The following TIMMDC1 variants were observed in gnomAD, a reference collection of about 807,000 sequenced individuals.
TIMMDC1 encodes the protein complex I assembly factor TIMMDC1, mitochondrial.
In TIMMDC1, 25 loss-of-function variants were observed where a neutral mutation model predicts 32.6. That is an observed-to-expected ratio of 0.77 (90% CI 0.56 to 1.07). TIMMDC1 has a LOEUF of 1.07. Ranked by LOEUF, TIMMDC1 falls within the 50% of genes least tolerant of loss-of-function variation. The probability of loss-of-function intolerance (pLI) is 0.00; values close to 1 mark genes in which losing one functional copy is unlikely to be tolerated. For missense variants in TIMMDC1, 329 were observed against 349.2 expected (o/e 0.94, Z 0.46); for synonymous variants, 130 against 127.6 (o/e 1.02, Z -0.13).
chr3:119,499,563 G>T (rs1307359302), intron 1 of TIMMDC1, among the ~76,000 whole-genome samples: 1 of 151,734 alleles, frequency 6.6e-6, no homozygotes, highest in Non-Finnish European at 1.5e-5. Flanking sequence ...GATTACAGTT[G>T]CCCACTACCA....
chr3:119,518,874 A>G (rs1168296199), intron 6 of TIMMDC1, among the ~76,000 whole-genome samples: 2 of 146,870 alleles, frequency 1.4e-5, no homozygotes, highest in Non-Finnish European at 3.0e-5. Context: ...AAGTGCTAAA[A>G]GGAAAAAACA....
At chr3:119,499,116 C>T (rs2081848596) in intron 1 of TIMMDC1, among the ~76,000 whole-genome samples, 189 bp downstream of exon 1, 1 of 134,778 alleles carries the variant, frequency 7.4e-6, no homozygotes. Flanking sequence ...TTTTTCCAGA[C>T]AGGGTCTTGC....
At position 119,504,004 on chromosome 3, in the gene TIMMDC1, A is replaced by G. The variant is rs1169715049; in HGVS notation, c.500A>G (p.His167Arg). 1.9e-6 allele frequency: 3 copies of G among 1,612,928 alleles called. No individual in the cohort carries two copies. Among genetic ancestry groups the G allele is most frequent in the Non-Finnish European group, 1.7e-6 (2 of 1,179,172 alleles). ...NVYRNKDALS[H>R]FVIAGAVTGS... The stretch of plus-strand genomic sequence containing the variant: ...TACCGAAATAAAGATGCCTTAAGCC[A>G]TTTTGTAATTGCAGGAGGTAAGACA... The change falls in exon 4 of 7, where the codon CAT becomes CGT. Residue 167 changes from histidine to arginine, a missense_variant. Transcript: ENST00000494664.
At chr3:119,512,012 T>TA (rs1398961299) in intron 4 of TIMMDC1, among the ~76,000 whole-genome samples, 1 of 152,256 alleles carries the variant, frequency 6.6e-6, no homozygotes, top group Non-Finnish European at 1.5e-5. Flanking sequence ...TGTTTATACT[T>TA]ATACCTTTTG....
intron 4 of TIMMDC1, 32 bp from the exon 5 acceptor site, chr3:119,513,609 G>T: frequency 6.6e-7 from 1 of 1,513,582 alleles, no homozygotes; most frequent in Non-Finnish European, 9.2e-7. Context: ...TTTTAAAGAT[G>T]ATTTAATATT....
rs2081944483 is a variant in TIMMDC1 at position 119,510,206 on chromosome 3, C to T, written c.518-3435C>T. On this transcript the variant is annotated intron_variant, in intron 4 of 6. Coordinates refer to ENST00000494664, the MANE Select transcript of TIMMDC1 (RefSeq NM_016589.4). ...AGTAAAGTGTAAATATATAAATAGC[C>T]TTTTTATATTTCAGCAGTTACTTGA... 2.0e-5 allele frequency among the ~76,000 whole-genome samples: 3 copies of T among 151,746 alleles called. No individual in the cohort carries two copies. The South Asian group carries it at 6.3e-4, about 32-fold the overall frequency.
intron 4 of TIMMDC1, among the ~76,000 whole-genome samples, chr3:119,509,025 G>A (rs1002784119): frequency 6.6e-6 from 1 of 152,130 alleles, no homozygotes; most frequent in Non-Finnish European, 1.5e-5. Context: ...GGCCAACATG[G>A]TGAAACCTCG....
intron 4 of TIMMDC1, among the ~76,000 whole-genome samples, chr3:119,507,575 T>C (rs1398404441): frequency 6.6e-6 from 1 of 152,238 alleles, no homozygotes; most frequent in Non-Finnish European, 1.5e-5. Context: ...ATTAGAGCCC[T>C]TAGTGTATTA....
At chr3:119,513,866 T>A in intron 5 of TIMMDC1, 147 bp downstream of exon 5, 1 of 545,860 alleles carries the variant, frequency 1.8e-6, no homozygotes, top group South Asian at 2.8e-5. Flanking sequence ...TAGCTTTGAC[T>A]GTCCATTCTA....
At chr3:119,519,917 A>G (rs2082013976) in intron 6 of TIMMDC1, among the ~76,000 whole-genome samples, 1 of 152,182 alleles carries the variant, frequency 6.6e-6, no homozygotes, top group Non-Finnish European at 1.5e-5. Context: ...ATTTTTTCAG[A>G]CCACAGCAGA....
At chr3:119,501,011 TA>T (rs2081870796) in intron 2 of TIMMDC1, 151 bp downstream of exon 2, 2 of 730,120 alleles carry the variant, frequency 2.7e-6, no homozygotes, top group Non-Finnish European at 4.2e-6. Context: ...GTGGAAGTAC[TA>T]ATGTTAAAGT....
chr3:119,510,409 C>A (rs574797348), intron 4 of TIMMDC1, among the ~76,000 whole-genome samples: 8 of 152,114 alleles, frequency 5.3e-5, no homozygotes, highest in South Asian at 2.1e-4. Context: ...CAATTCAAAT[C>A]AAAATTACAG....
chr3:119,513,085 A>C (rs2081964978), intron 4 of TIMMDC1, among the ~76,000 whole-genome samples: 2 of 152,214 alleles, frequency 1.3e-5, no homozygotes, highest in Non-Finnish European at 2.9e-5. Flanking sequence ...AGATGGCATT[A>C]GTTGCATTGT....
intron 6 of TIMMDC1, among the ~76,000 whole-genome samples, chr3:119,522,674 C>T (rs931154824): frequency 1.3e-5 from 2 of 152,024 alleles, no homozygotes; most frequent in African/African-American, 2.4e-5. Flanking sequence ...CTTTGTACTT[C>T]ATAAATATGT....
intron 5 of TIMMDC1, 25 bp from the exon 6 acceptor site, chr3:119,517,180 A>T: frequency 6.6e-7 from 1 of 1,515,176 alleles, no homozygotes; most frequent in Non-Finnish European, 9.2e-7. Context: ...GTTTTTCCTA[A>T]GCTTTCCCTC....
In TIMMDC1 at chr3:119,508,918, T is replaced by C. The variant is rs1490091258; in HGVS notation, c.518-4723T>C. On this transcript the variant is annotated intron_variant, in intron 4 of 6. Coordinates refer to ENST00000494664, the MANE Select transcript of TIMMDC1 (RefSeq NM_016589.4). ...AAATCCAAATGAATTAAGAAAACCA[T>C]TGGAAGGCCAGGTGTGGTGGCTTAT... is the stretch of plus-strand genomic sequence containing the variant. 2.0e-5 allele frequency among the ~76,000 whole-genome samples: 3 copies of C among 152,084 alleles called. No individual in the cohort carries two copies. The East Asian group carries it at 5.8e-4, about 29-fold the overall frequency.
At chr3:119,511,516 G>A (rs2081952913) in intron 4 of TIMMDC1, among the ~76,000 whole-genome samples, 1 of 151,640 alleles carries the variant, frequency 6.6e-6, no homozygotes, top group South Asian at 2.1e-4. Flanking sequence ...TTGTGCGTAA[G>A]TAAATCTGCA....
chr3:119,508,232 T>C (rs1273058887), intron 4 of TIMMDC1, among the ~76,000 whole-genome samples: 1 of 152,164 alleles, frequency 6.6e-6, no homozygotes, highest in African/African-American at 2.4e-5. Flanking sequence ...CCTACAGTTT[T>C]TAGGTCTTAG....
intron 4 of TIMMDC1, among the ~76,000 whole-genome samples, chr3:119,508,743 C>T (rs1228740005): frequency 6.6e-6 from 1 of 152,216 alleles, no homozygotes; most frequent in Non-Finnish European, 1.5e-5. Flanking sequence ...TCTTGCCTTG[C>T]TCTCCCTGGA....
Sources: gnomAD v4.1 joint callset for allele counts (sites outside exome capture counted in the v4.1 genomes callset) on GRCh38, gnomAD v4.1.1 for gene constraint, MANE v1.5 for transcripts, NCBI Gene and HGNC (gene_info 2026-07-23, HGNC 2026-07-21) for gene names.